KIAA1958: variants seen among roughly 807,000 people sequenced by gnomAD.
The protein encoded by KIAA1958 is KIAA1958, also known as uncharacterized protein KIAA1958.
A neutral mutation model predicts 47.2 loss-of-function variants in KIAA1958; 14 were observed. That is an observed-to-expected ratio of 0.30 (90% confidence interval 0.20 to 0.46). The LOEUF (loss-of-function observed/expected upper bound fraction) is 0.46, where lower values mean the gene tolerates loss of function less well. KIAA1958 is among the 20% of genes least tolerant of loss of function. The pLI is 1.00. For missense variants in KIAA1958, 803 were observed against 909.2 expected, an observed-to-expected ratio of 0.88 and a Z score of 1.50; for synonymous variants, 354 against 353.3, an observed-to-expected ratio of 1.00 and a Z score of -0.02.
chr9:112,527,207 C>G (rs2132806154), intron 1 of KIAA1958, among the ~76,000 whole-genome samples: 1 of 152,284 alleles, frequency 6.6e-6, no homozygotes, highest in South Asian at 2.1e-4. Context: ...TGCATACAGA[C>G]TACCTTAGTA....
rs553929931 is a variant in KIAA1958 at position 112,615,209 on chromosome 9, T to C, written c.1172-30441T>C. Among the ~76,000 whole-genome samples the C allele has an allele frequency of 4.6e-5, 7 of 152,026 alleles. No individual in the cohort carries two copies. The East Asian group carries it at 1.4e-3, about 29-fold the overall frequency. ...GGCAAGACGGGCAGATCACCTGAGG[T>C]CAGGAGTTCAAGACCAGCCTGGCCA... is the stretch of plus-strand genomic sequence containing the variant. On this transcript the variant is annotated intron_variant, in intron 2 of 3. Transcript: ENST00000337530.
chr9:112,643,995 T>C (rs1836936615), intron 2 of KIAA1958, among the ~76,000 whole-genome samples: 1 of 151,922 alleles, frequency 6.6e-6, no homozygotes, highest in East Asian at 1.9e-4. Flanking sequence ...CTGGCCAACA[T>C]GACAAAAACC....
At chr9:112,640,376 C>T (rs1163704797) in intron 2 of KIAA1958, among the ~76,000 whole-genome samples, 2 of 152,134 alleles carry the variant, frequency 1.3e-5, no homozygotes, top group African/African-American at 4.8e-5. Context: ...GCAATTGCCT[C>T]TTGGTGATTT....
At chr9:112,614,094 A>G (rs1339081638) in intron 2 of KIAA1958, among the ~76,000 whole-genome samples, 1 of 152,248 alleles carries the variant, frequency 6.6e-6, no homozygotes, top group Non-Finnish European at 1.5e-5. Flanking sequence ...TAAATTATCT[A>G]CAAATACACA....
intron 1 of KIAA1958, among the ~76,000 whole-genome samples, chr9:112,546,303 C>A (rs1270442920): frequency 6.6e-6 from 1 of 152,134 alleles, no homozygotes; most frequent in Non-Finnish European, 1.5e-5. Context: ...AGGGAAGCTA[C>A]CATATATGGT....
chr9:112,641,619 C>G (rs1836892986), intron 2 of KIAA1958, among the ~76,000 whole-genome samples: 1 of 151,968 alleles, frequency 6.6e-6, no homozygotes, highest in South Asian at 2.1e-4. Flanking sequence ...TTCATCCTTA[C>G]ACGTTTTTCC....
intron 1 of KIAA1958, among the ~76,000 whole-genome samples, chr9:112,571,163 C>A (rs2131170270): frequency 6.6e-6 from 1 of 152,308 alleles, no homozygotes; most frequent in East Asian, 1.9e-4. Flanking sequence ...TACAGACACA[C>A]CCCCAAATAA....
chr9:112,563,807 C>T (rs925771951), intron 1 of KIAA1958, among the ~76,000 whole-genome samples: 7 of 151,664 alleles, frequency 4.6e-5, no homozygotes, highest in African/African-American at 1.7e-4. Context: ...TTGCCTTATT[C>T]CTAATCTTAA....
intron 1 of KIAA1958, among the ~76,000 whole-genome samples, chr9:112,549,194 C>A (rs527341542): frequency 6.6e-6 from 1 of 152,300 alleles, no homozygotes; most frequent in South Asian, 2.1e-4. Flanking sequence ...ATGGTAACGA[C>A]ATATGCACCT....
chr9:112,632,053 T>C (rs1461800847), intron 2 of KIAA1958, among the ~76,000 whole-genome samples: 1 of 152,152 alleles, frequency 6.6e-6, no homozygotes, highest in Non-Finnish European at 1.5e-5. Flanking sequence ...TTTTCTTATA[T>C]ATACATTTCC....
chr9:112,596,048 G>T (rs551050659), intron 2 of KIAA1958, among the ~76,000 whole-genome samples: 1 of 152,198 alleles, frequency 6.6e-6, no homozygotes, highest in African/African-American at 2.4e-5. Context: ...GCCTCCCAAA[G>T]TGCTGGGATT....
chr9:112,617,789 G>A, intron 2 of KIAA1958: 1 of 1,109,970 alleles, frequency 9.0e-7, no homozygotes, highest in Non-Finnish European at 1.3e-6. Flanking sequence ...CATTATAAAA[G>A]GAAACTTTAT....
intron 2 of KIAA1958, among the ~76,000 whole-genome samples, chr9:112,615,488 T>A (rs1024549201): frequency 1.3e-5 from 2 of 151,932 alleles, no homozygotes; most frequent in Non-Finnish European, 2.9e-5. Flanking sequence ...TTGATAATAT[T>A]AAATACCTTG....
At chr9:112,490,902 ATATTCT>A (rs1481142537) in intron 1 of KIAA1958, among the ~76,000 whole-genome samples, 2 of 152,254 alleles carry the variant, frequency 1.3e-5, no homozygotes, top group East Asian at 1.9e-4. Context: ...GACAACAGTG[ATATTCT>A]TATACTGAAA....
rs866789056 is a variant in KIAA1958, at chr9:112,573,304, A to G, written c.-24-753A>G. 2.0e-5 allele frequency among the ~76,000 whole-genome samples: 3 copies of G among 152,166 alleles called. No homozygotes were observed. The South Asian group carries it at 6.2e-4, about 32-fold the overall frequency. On this transcript the variant is annotated intron_variant, in intron 1 of 3. Transcript: ENST00000337530. ...ACCTCTAATGGTGGGATGAAAGGCA[A>G]TATTTCAGGAATTGCAGACAGCCAG...
Position 112,664,936 on chromosome 9 carries a change from T to C in KIAA1958, c.*4867T>C, listed in dbSNP as rs1254879256. On this transcript the variant is annotated 3_prime_UTR_variant, in exon 4 of 4. Transcript: ENST00000337530. ...CAAAGTTTACCCATTATTATTATGA[T>C]TTTGAATATTCCTTGTTCATTACAG... 5 of 152,200 alleles carry C rather than the reference T, an allele frequency of 3.3e-5. No individual in the cohort carries two copies. Among genetic ancestry groups the C allele is most frequent in the African/African-American group, 7.2e-5 (3 of 41,462 alleles). 9.4% of individuals were successfully genotyped at this position (152,200 alleles called of 1,614,324 possible).
chr9:112,520,353 A>G (rs917472632), intron 1 of KIAA1958, among the ~76,000 whole-genome samples: 3 of 152,242 alleles, frequency 2.0e-5, no homozygotes, highest in African/African-American at 4.8e-5. Context: ...ATATTGCATT[A>G]GTTCTGCATT....
chr9:112,647,212 A>G (rs987344312), intron 3 of KIAA1958, among the ~76,000 whole-genome samples: 47 of 152,198 alleles, frequency 3.1e-4, no homozygotes, highest in African/African-American at 1.1e-3. Flanking sequence ...CAGTAAGCAC[A>G]TATGAAAGGC....
chr9:112,637,587 A>C (rs112597031), intron 2 of KIAA1958, among the ~76,000 whole-genome samples: 2,995 of 151,608 alleles, frequency 0.02, 105 homozygotes, highest in African/African-American at 0.068. Context: ...CATGTTGGCC[A>C]GGCTGGTCTC....
Sources: allele counts gnomAD v4.1 joint callset (sites outside exome capture counted in the v4.1 genomes callset), GRCh38; gene constraint gnomAD v4.1.1; transcripts MANE v1.5; gene names NCBI Gene and HGNC (gene_info 2026-07-23, HGNC 2026-07-21).